Variants in LOC128125822 observed in about 807,000 individuals in gnomAD.
At chr6:63,574,378 C>G in the LOC128125822 span, among the ~76,000 whole-genome samples, 1 of 152,036 alleles carries the variant, frequency 6.6e-6, no homozygotes, top group South Asian at 2.1e-4. Flanking sequence ...GGAAAAAATC[C>G]CCATTATGGA....
At chr6:63,576,409 CTCTT>C in the LOC128125822 span, 17 of 399,600 alleles carry the variant, frequency 4.3e-5, no homozygotes, top group African/African-American at 8.2e-5. Flanking sequence ...AACTTATTCT[CTCTT>C]TCTGTCTTTT....
the LOC128125822 span, chr6:63,582,669 T>A: frequency 1.3e-5 from 2 of 152,224 alleles, no homozygotes; most frequent in Non-Finnish European, 2.9e-5. Flanking sequence ...CTACCTAGGC[T>A]TGTCTATAGC....
the LOC128125822 span, chr6:63,583,265 A>G: frequency 3.9e-5 from 6 of 152,242 alleles, no homozygotes; most frequent in African/African-American, 1.4e-4. Flanking sequence ...TACATGAAGT[A>G]GTGTCTGCCA....
the LOC128125822 span, chr6:63,583,090 A>G: frequency 6.6e-6 from 1 of 152,206 alleles, no homozygotes; most frequent in African/African-American, 2.4e-5. Context: ...TTGGTCACCA[A>G]TGAGTACCCG....
At chr6:63,575,349 C>T in the LOC128125822 span, among the ~76,000 whole-genome samples, 1 of 152,066 alleles carries the variant, frequency 6.6e-6, no homozygotes, top group East Asian at 1.9e-4. Context: ...TCTTTACTCC[C>T]GAGTACACAA....
the LOC128125822 span, chr6:63,572,543 C>G: frequency 2.5e-6 from 1 of 396,340 alleles, no homozygotes; most frequent in South Asian, 1.2e-4. Context: ...CTGCTCCGAG[C>G]CGCTCACTGC....
chr6:63,577,053 A>G, the LOC128125822 span: 1 of 1,266,558 alleles, frequency 7.9e-7, no homozygotes, highest in Non-Finnish European at 1.1e-6. Context: ...TAGCTAACAA[A>G]ATAAAAACTA....
the LOC128125822 span, chr6:63,579,107 T>C: frequency 3.5e-6 from 5 of 1,408,784 alleles, no homozygotes; most frequent in Non-Finnish European, 4.7e-6. Context: ...ATTCTTATAA[T>C]TTTTTAATAT....
At chr6:63,574,132 A>C in the LOC128125822 span, among the ~76,000 whole-genome samples, 3 of 152,170 alleles carry the variant, frequency 2.0e-5, no homozygotes, top group Non-Finnish European at 4.4e-5. Context: ...AAAACTAGAA[A>C]ACTAAATCAT....
At chr6:63,576,727 A>G in the LOC128125822 span, 1 of 641,838 alleles carries the variant, frequency 1.6e-6, no homozygotes, top group Non-Finnish European at 2.7e-6. Flanking sequence ...TAGGAGGTTC[A>G]TTTCACTTAT....
the LOC128125822 span, chr6:63,578,747 G>T: frequency 9.1e-7 from 1 of 1,099,014 alleles, no homozygotes; most frequent in Non-Finnish European, 1.2e-6. Flanking sequence ...TGAGCATTTA[G>T]TCACATTTGG....
chr6:63,581,411 C>T, the LOC128125822 span: 1 of 152,422 alleles, frequency 6.6e-6, no homozygotes, highest in African/African-American at 2.4e-5. Context: ...AAACTTAGTG[C>T]GAGAGCTGAA....
At chr6:63,578,517 T>G in the LOC128125822 span, 1 of 1,611,728 alleles carries the variant, frequency 6.2e-7, no homozygotes. Flanking sequence ...AGAAAGAAGG[T>G]ATCCATGTTC....
At chr6:63,579,317 A>C in the LOC128125822 span, 1 of 1,604,722 alleles carries the variant, frequency 6.2e-7, no homozygotes, top group Non-Finnish European at 8.5e-7. Context: ...AAGATGCAGT[A>C]CAATTCATAA....
At chr6:63,579,217 A>G in the LOC128125822 span, 66 of 1,560,802 alleles carry the variant, frequency 4.2e-5, no homozygotes, top group Admixed American at 7.3e-5. Flanking sequence ...CAAAGATCTG[A>G]TTTTGAAAAA....
At chr6:63,579,011 C>T in the LOC128125822 span, 211 of 1,597,756 alleles carry the variant, frequency 1.3e-4, no homozygotes, top group South Asian at 3.1e-4. Flanking sequence ...CTGTTCATTG[C>T]GTTGCAGGCC....
At chr6:63,574,056 A>T in the LOC128125822 span, among the ~76,000 whole-genome samples, 1 of 152,174 alleles carries the variant, frequency 6.6e-6, no homozygotes, top group South Asian at 2.1e-4. Context: ...TTACACTACG[A>T]TTGGAACTGT....
At chr6:63,574,630 G>T in the LOC128125822 span, among the ~76,000 whole-genome samples, 2 of 152,122 alleles carry the variant, frequency 1.3e-5, no homozygotes, top group African/African-American at 4.8e-5. Context: ...AGGAGTTTTA[G>T]CTATTAAATA....
At chr6:63,576,635 C>G in the LOC128125822 span, 6 of 520,228 alleles carry the variant, frequency 1.2e-5, no homozygotes, top group Non-Finnish European at 2.0e-5. Context: ...TACAAGAGTT[C>G]TGACCTGGAT....
Sources: gnomAD v4.1 joint callset for allele counts (sites outside exome capture counted in the v4.1 genomes callset) on GRCh38, gnomAD v4.1.1 for gene constraint, MANE v1.5 for transcripts.